TLE4: variants seen among roughly 807,000 people sequenced by gnomAD.
TLE4 encodes transducin-like enhancer protein 4.
A neutral mutation model predicts 92.8 loss-of-function variants in TLE4; 8 were observed. The ratio of observed to expected loss-of-function variants is 0.09; its 90% CI spans 0.05 to 0.16. TLE4 has a LOEUF of 0.16. Ranked by LOEUF, TLE4 falls within the 10% of genes least tolerant of loss-of-function variation. TLE4 has a pLI of 1.00. For synonymous variants in TLE4, 371 were observed against 374.1 expected (o/e 0.99, Z 0.10); for missense variants, 675 against 997.6 (o/e 0.68, Z 4.36).
chr9:79,657,570 G>A (rs2059945051), intron 8 of TLE4, among the ~76,000 whole-genome samples: 1 of 152,106 alleles, frequency 6.6e-6, no homozygotes, highest in Admixed American at 6.5e-5. Flanking sequence ...TCATTAAGAG[G>A]AGTCAGCTGC....
At chr9:79,624,535 A>G (rs997829799) in intron 5 of TLE4, among the ~76,000 whole-genome samples, 3 of 152,232 alleles carry the variant, frequency 2.0e-5, no homozygotes, top group Non-Finnish European at 4.4e-5. Flanking sequence ...ATATCAGCCC[A>G]CAGCCATTGC....
At chr9:79,661,752 T>C (rs991067696) in intron 8 of TLE4, among the ~76,000 whole-genome samples, 2 of 152,254 alleles carry the variant, frequency 1.3e-5, no homozygotes, top group African/African-American at 2.4e-5. Context: ...GTCACATTGC[T>C]TTAACTTTAT....
chr9:79,703,191 A>G (rs1275418181), intron 8 of TLE4, among the ~76,000 whole-genome samples: 6 of 152,110 alleles, frequency 3.9e-5, no homozygotes, highest in African/African-American at 1.2e-4. Context: ...TGTTCTTCCT[A>G]TAACTTTTTT....
chr9:79,717,562 G>C (rs1249418977), intron 14 of TLE4, among the ~76,000 whole-genome samples: 1 of 152,104 alleles, frequency 6.6e-6, no homozygotes, highest in Non-Finnish European at 1.5e-5. Flanking sequence ...TTTTTTCTGG[G>C]AGCATTCAGG....
intron 6 of TLE4, among the ~76,000 whole-genome samples, chr9:79,649,127 A>C (rs949968743): frequency 1.3e-5 from 2 of 152,148 alleles, no homozygotes; most frequent in African/African-American, 4.8e-5. Context: ...TTTTATAAGA[A>C]TGGTGGGCCT....
At position 79,614,554 on chromosome 9, in the gene TLE4, T is replaced by TA. The variant is rs530347268; in HGVS notation, c.315+1837dup. Among the ~76,000 whole-genome samples the TA allele has an allele frequency of 1.6e-3, 251 of 152,274 alleles. 1 individual carries two copies. The highest frequency in any genetic ancestry group is 5.7e-3 in the African/African-American group (236 of 41,552). ...CCTGTAGGTGAAAGCCATGGGGAGA[T>TA]ACTGACAACTCATTTGCTCTAGTCT... On this transcript the variant is annotated intron_variant, in intron 5 of 19. Transcript: ENST00000376552.
At chr9:79,702,900 A>G (rs192537683) in intron 8 of TLE4, among the ~76,000 whole-genome samples, 1 of 152,204 alleles carries the variant, frequency 6.6e-6, no homozygotes, top group Non-Finnish European at 1.5e-5. Context: ...CAGAAATGCC[A>G]CAAAAGAGAT....
At chr9:79,710,673 A>G (rs549122938) in intron 14 of TLE4, among the ~76,000 whole-genome samples, 1 of 152,224 alleles carries the variant, frequency 6.6e-6, no homozygotes, top group African/African-American at 2.4e-5. Flanking sequence ...TTAGTGTCTC[A>G]TTTAGTTATC....
At chr9:79,713,619 CTTT>C (rs2073862152) in intron 14 of TLE4, among the ~76,000 whole-genome samples, 1 of 152,144 alleles carries the variant, frequency 6.6e-6, no homozygotes, top group Admixed American at 6.5e-5. Context: ...TCAGAAAGTA[CTTT>C]TGTAAATTAG....
chr9:79,589,762 G>A (rs1006638145), intron 4 of TLE4, among the ~76,000 whole-genome samples: 15 of 152,278 alleles, frequency 9.9e-5, no homozygotes, highest in African/African-American at 3.6e-4. Context: ...GTACCAAGAT[G>A]TATATGATAG....
chr9:79,605,217 AT>A (rs1386377417), intron 4 of TLE4, among the ~76,000 whole-genome samples: 2 of 151,772 alleles, frequency 1.3e-5, no homozygotes, highest in Non-Finnish European at 2.9e-5. Flanking sequence ...AGAGAAAGTA[AT>A]TTTCTTTCTC....
At chr9:79,690,807 T>C (rs2066913921) in intron 8 of TLE4, among the ~76,000 whole-genome samples, 2 of 111,446 alleles carry the variant, frequency 1.8e-5, no homozygotes, top group East Asian at 5.2e-4. Flanking sequence ...TTTTTTTTTT[T>C]GTATTTTCTG....
chr9:79,708,558 T>C (rs1480931112), intron 12 of TLE4, 35 bp from the exon 13 acceptor site: 1 of 1,578,984 alleles, frequency 6.3e-7, no homozygotes, highest in East Asian at 2.2e-5. Context: ...GTTTCCTGTG[T>C]TCTTCATTTT....
At chr9:79,682,010 C>A (rs1314708675) in intron 8 of TLE4, among the ~76,000 whole-genome samples, 1 of 151,746 alleles carries the variant, frequency 6.6e-6, no homozygotes, top group Non-Finnish European at 1.5e-5. Context: ...CTCATGTAAC[C>A]TGTTATTGTT....
intron 1 of TLE4, 102 bp from the exon 2 acceptor site, chr9:79,573,587 C>T: frequency 1.0e-6 from 1 of 972,572 alleles, no homozygotes; most frequent in Non-Finnish European, 1.5e-6. Flanking sequence ...CTTGCGTGCG[C>T]GATGACCCTC....
At chr9:79,576,235 GA>G in intron 4 of TLE4, 58 bp downstream of exon 4, 1 of 1,286,816 alleles carries the variant, frequency 7.8e-7, no homozygotes, top group Non-Finnish European at 1.1e-6. Flanking sequence ...ACTATGAAAA[GA>G]AAATTGTATG....
intron 6 of TLE4, among the ~76,000 whole-genome samples, chr9:79,633,395 T>C (rs1010595544): frequency 1.3e-5 from 2 of 152,126 alleles, no homozygotes. Flanking sequence ...AATTTTTCTT[T>C]CTGTTTGGAG....
chr9:79,717,861 C>A, intron 14 of TLE4: 1 of 407,882 alleles, frequency 2.5e-6, no homozygotes, highest in Non-Finnish European at 4.9e-6. Context: ...CTGCCTCCTG[C>A]CTGCCACTGG....
At chr9:79,618,858 G>A (rs972504362) in intron 5 of TLE4, among the ~76,000 whole-genome samples, 6 of 152,000 alleles carry the variant, frequency 3.9e-5, no homozygotes, top group African/African-American at 1.5e-4. Flanking sequence ...TAAAGAAGAC[G>A]TTATTCTTTT....
Sources: allele counts gnomAD v4.1 joint callset (sites outside exome capture counted in the v4.1 genomes callset), GRCh38; gene constraint gnomAD v4.1.1; transcripts MANE v1.5; gene names NCBI Gene and HGNC (gene_info 2026-07-23, HGNC 2026-07-21).